The following CHI3L1 variants were observed in gnomAD, a reference collection of about 807,000 sequenced individuals.
CHI3L1 encodes the protein chitinase 3 like 1.
CHI3L1 carries 30 observed loss-of-function variants against 40.7 expected under a neutral mutation model. The ratio of observed to expected loss-of-function variants is 0.74; its 90% confidence interval spans 0.55 to 1.00. The LOEUF is 1.00. CHI3L1 is among the 50% of genes least tolerant of loss of function. The pLI is 0.00. For synonymous variants in CHI3L1, 210 were observed against 192.1 expected (o/e 1.09, Z -0.77); for missense variants, 493 against 492.2 (o/e 1.00, Z -0.01).
Position 203,180,671 on chromosome 1 carries a change from G to A in CHI3L1, c.712-19C>T, listed in dbSNP as rs760979791. On this transcript the variant is annotated intron_variant, in intron 7 of 9. Transcript: ENST00000255409. ...CATAGTCCTGGGTGGGGTAGGGTGG[G>A]AACAACGTGAGCAGTTAGTGCACAG... The A allele has an allele frequency of 1.7e-4, 125 of 727,948 alleles. No individual in the cohort carries two copies. The highest frequency in any genetic ancestry group is 2.5e-4 in the Middle Eastern group (1 of 3,948). 45.1% of individuals were successfully genotyped at this position (727,948 alleles called of 1,614,324 possible). A position where few individuals can be genotyped will look rare whatever the true frequency, so the allele number is the denominator to read the frequency against.
At position 203,181,300 on chromosome 1, in the gene CHI3L1, G is replaced by T; in HGVS notation, c.588-15C>A. On this transcript the variant is annotated splice_polypyrimidine_tract_variant and intron_variant, in intron 6 of 9. Transcript: ENST00000255409. ...AATCCAGGTGTCTGAGGAGGAAGGG[G>T]ATGGAGGGTGAGGCAGGAAATTATT... The T allele has an allele frequency of 6.2e-7, 1 of 1,613,098 alleles. No homozygotes were observed. The highest frequency in any genetic ancestry group is 8.5e-7 in the Non-Finnish European group (1 of 1,179,380).
intron 7 of CHI3L1, 144 bp downstream of exon 7, chr1:203,181,018 C>A: frequency 8.8e-7 from 1 of 1,141,188 alleles, no homozygotes; most frequent in Non-Finnish European, 1.2e-6. Context: ...AGACTTTGGG[C>A]CTCAGTTTCC....
chr1:203,185,361 T>C lies in CHI3L1; in HGVS notation c.80A>G (p.Tyr27Cys). ...CCGGTACTGGGACCAGCTGGTGTAG[T>C]AGCAGACCAGTTTGTATGCAGAGCC... Reference protein sequence around the residue: ...QCCSAYKLVCYYTSWSQYREG... With the variant: ...QCCSAYKLVCCYTSWSQYREG... Residue 27 changes from tyrosine to cysteine, a missense_variant, in exon 3 of 10, where the codon TAC (tyrosine) becomes TGC (cysteine). Tyr to Cys is a radical substitution (Grantham distance 194). Coordinates refer to ENST00000255409, the MANE Select transcript of CHI3L1 (RefSeq NM_001276.4). 1 of 1,614,090 alleles carries C rather than the reference T, an allele frequency of 6.2e-7. No individual in the cohort carries two copies. The highest frequency in any genetic ancestry group is 8.5e-7 in the Non-Finnish European group (1 of 1,180,012).
chr1:203,185,753 A>G (rs1656042710), intron 2 of CHI3L1, among the ~76,000 whole-genome samples: 1 of 152,156 alleles, frequency 6.6e-6, no homozygotes, highest in African/African-American at 2.4e-5. Flanking sequence ...AAGGCCCAAG[A>G]TAGCCTGTGT....
At chr1:203,184,938 C>T (rs778660097) in intron 3 of CHI3L1, among the ~76,000 whole-genome samples, 4 of 152,068 alleles carry the variant, frequency 2.6e-5, no homozygotes, top group Admixed American at 6.5e-5. Context: ...CTGGAGAGCA[C>T]GTTAGGGGCA....
At chr1:203,182,590 G>A in intron 6 of CHI3L1, 141 bp downstream of exon 6, 1 of 894,988 alleles carries the variant, frequency 1.1e-6, no homozygotes, top group Non-Finnish European at 1.8e-6. Context: ...ACTTGCTCAA[G>A]GTCACACATC....
At chr1:203,180,231 G>GC in intron 8 of CHI3L1, 1 of 570,830 alleles carries the variant, frequency 1.8e-6, no homozygotes, top group Non-Finnish European at 3.1e-6. Flanking sequence ...GAAGACCTCA[G>GC]CCCCATAGCC....
At chr1:203,180,437 G>C (rs1285063983) in intron 8 of CHI3L1, 33 bp downstream of exon 8, 1 of 1,503,332 alleles carries the variant, frequency 6.7e-7, no homozygotes, top group Non-Finnish European at 8.9e-7. Flanking sequence ...CTGGTGGTGT[G>C]GGGGAATCCT....
rs1655926319 is a variant in CHI3L1, at chr1:203,181,063, G to T, written c.711+99C>A. The T allele has an allele frequency of 4.9e-6, 7 of 1,441,622 alleles. No individual in the cohort carries two copies. In the East Asian group the frequency reaches 9.6e-5, roughly 20 times the overall value. 89.3% of individuals were successfully genotyped at this position (1,441,622 alleles called of 1,614,324 possible). ...GAATGGGCCTCATGACCCCCCTCTT[G>T]CAGGACTGTACTGAGGGCTAGAGAG... On this transcript the variant is annotated intron_variant, in intron 7 of 9. Transcript: ENST00000255409.
Position 203,179,782 on chromosome 1 carries a change from G to A in CHI3L1, c.990C>T (p.Asp330=). ...CTACCTTGCTTTTGACGCTTTCCTG[G>A]TCGTCGTATCCTACCCACTGGTTGC... is the stretch of plus-strand genomic sequence containing the variant. ...TKGNQWVGYD[D]QESVKSKVQY... is the part of the protein sequence containing the mutation. The change falls in exon 9 of 10, where the codon GAC becomes GAT. Residue 330 remains aspartate, a synonymous_variant. Coordinates refer to ENST00000255409, the MANE Select transcript of CHI3L1 (RefSeq NM_001276.4). 1 of 1,614,206 alleles carries A rather than the reference G, an allele frequency of 6.2e-7. No individual in the cohort carries two copies. Among genetic ancestry groups the A allele is most frequent in the Non-Finnish European group, 8.5e-7 (1 of 1,180,042 alleles).
chr1:203,183,475 T>C (rs1255314064), intron 5 of CHI3L1, among the ~76,000 whole-genome samples, 166 bp downstream of exon 5: 1 of 152,094 alleles, frequency 6.6e-6, no homozygotes, highest in Non-Finnish European at 1.5e-5. Flanking sequence ...CAAGAAGCCT[T>C]CCTTGCTATG....
At chr1:203,182,907 A>G (rs1426913278) in intron 5 of CHI3L1, 55 bp from the exon 6 acceptor site, 1 of 1,596,980 alleles carries the variant, frequency 6.3e-7, no homozygotes, top group African/African-American at 1.3e-5. Flanking sequence ...TGAGAGGTAG[A>G]CTCATCGAGG....
At position 203,180,378 on chromosome 1, in the gene CHI3L1, A is replaced by C. The variant is rs554332918; in HGVS notation, c.894+92T>G. The stretch of plus-strand genomic sequence containing the variant: ...GCAACCGGACATTTTCTTTATTCCC[A>C]AAGGAGAAAAAGCAAGAACGTGGTG... On this transcript the variant is annotated intron_variant, in intron 8 of 9. Transcript: ENST00000255409. 6 of 1,222,394 alleles carry C rather than the reference A, an allele frequency of 4.9e-6. No individual in the cohort carries two copies. The Admixed American group carries it at 1.5e-4, about 31-fold the overall frequency. The allele number at this position is 1,222,394 out of a possible 1,614,324, so 75.7% of individuals were successfully genotyped here.
intron 3 of CHI3L1, among the ~76,000 whole-genome samples, chr1:203,184,916 T>C (rs1212890170): frequency 6.6e-6 from 1 of 152,098 alleles, no homozygotes; most frequent in Non-Finnish European, 1.5e-5. Context: ...TCTTGCTCAT[T>C]TTCCATGCTC....
At chr1:203,182,620 G>A in intron 6 of CHI3L1, 111 bp downstream of exon 6, 2 of 1,246,066 alleles carry the variant, frequency 1.6e-6, no homozygotes, top group East Asian at 4.7e-5. Context: ...GAAGAACTGG[G>A]ACTGGAAGCC....
At chr1:203,180,862 C>A (rs754676888) in intron 7 of CHI3L1, among the ~76,000 whole-genome samples, 34 of 152,178 alleles carry the variant, frequency 2.2e-4, no homozygotes, top group Admixed American at 4.6e-4. Flanking sequence ...GGGGCTATTA[C>A]TATTTGACAG....
Position 203,183,714 on chromosome 1 carries a change from C to T in CHI3L1, c.392G>A (p.Gly131Asp), listed in dbSNP as rs766419435. Reference sequence around the variant, plus strand: ...CCAGGCAAGGTCCAGCCCATCAAAGCCATGGGTGCGCAGAAATGGCGGTAC... The same window carrying T: ...CCAGGCAAGGTCCAGCCCATCAAAGTCATGGGTGCGCAGAAATGGCGGTAC... ...KSVPPFLRTHGFDGLDLAWLY... is the reference protein window; with the variant it reads ...KSVPPFLRTHDFDGLDLAWLY... The change falls in exon 5 of 10, where the codon GGC becomes GAC. Residue 131 changes from glycine to aspartate, a missense_variant. Gly to Asp is a moderately conservative substitution (Grantham distance 94). Transcript: ENST00000255409. The T allele has an allele frequency of 6.2e-7, 1 of 1,614,196 alleles. No homozygotes were observed. The highest frequency in any genetic ancestry group is 8.5e-7 in the Non-Finnish European group (1 of 1,180,030).
At chr1:203,179,640 C>A (rs779392799) in intron 9 of CHI3L1, 55 bp from the exon 10 acceptor site, 1 of 1,613,790 alleles carries the variant, frequency 6.2e-7, no homozygotes, top group East Asian at 2.2e-5. Flanking sequence ...AGAGTGTGTA[C>A]AGGGCACATG....
chr1:203,181,117 G>A (rs201793467), intron 7 of CHI3L1, 45 bp downstream of exon 7: 4 of 1,606,904 alleles, frequency 2.5e-6, no homozygotes, highest in East Asian at 4.5e-5. Flanking sequence ...GCAGATGGCA[G>A]GTCTTGCGGC....
Sources: allele counts gnomAD v4.1 joint callset (sites outside exome capture counted in the v4.1 genomes callset), GRCh38; gene constraint gnomAD v4.1.1; transcripts MANE v1.5; gene names NCBI Gene and HGNC (gene_info 2026-07-23, HGNC 2026-07-21).